Variants in ZNF215 observed in about 807,000 individuals in gnomAD.
ZNF215 encodes the protein BWSCR2-associated zinc finger protein 2.
ZNF215 carries 24 observed loss-of-function variants against 27.2 expected under a neutral mutation model. The ratio of observed to expected loss-of-function variants is 0.88; its 90% CI spans 0.64 to 1.24. The LOEUF (loss-of-function observed/expected upper bound fraction) is 1.24. ZNF215 is among the 50% of genes most tolerant of loss of function. ZNF215 has a pLI of 0.00. For synonymous variants in ZNF215, 210 were observed against 204.0 expected, an observed-to-expected ratio of 1.03 and a Z score of -0.25; for missense variants, 675 against 605.7, an observed-to-expected ratio of 1.11 and a Z score of -1.20.
At chr11:6,968,087 A>T (rs1850657742) in intron 5 of ZNF215, among the ~76,000 whole-genome samples, 1 of 152,178 alleles carries the variant, frequency 6.6e-6, no homozygotes. Flanking sequence ...CAAAGATCAG[A>T]TGGTTGTAGA....
Position 6,946,865 on chromosome 11 carries a change from G to A in ZNF215, c.712+3224G>A, listed in dbSNP as rs903988087. Among the ~76,000 whole-genome samples the A allele has an allele frequency of 3.3e-5, 5 of 152,082 alleles. No individual in the cohort carries two copies. In the South Asian group the frequency reaches 6.2e-4, roughly 19 times the overall value. ...ATATAGGAATAAGAGAAAAAAAGAC[G>A]GATGGATAGATATTAGATAAGAAAG... On this transcript the variant is annotated intron_variant, in intron 6 of 6. Coordinates refer to ENST00000278319, the MANE Select transcript of ZNF215 (RefSeq NM_013250.4).
At chr11:6,941,202 T>C (rs775741403) in intron 3 of ZNF215, among the ~76,000 whole-genome samples, 4 of 152,214 alleles carry the variant, frequency 2.6e-5, no homozygotes, top group Non-Finnish European at 5.9e-5. Flanking sequence ...GGATAAAATA[T>C]TATAAGCTCC....
intron 5 of ZNF215, among the ~76,000 whole-genome samples, chr11:6,980,259 A>G (rs1003657976): frequency 3.3e-5 from 5 of 152,068 alleles, no homozygotes; most frequent in Non-Finnish European, 7.4e-5. Context: ...TGCTACAAAA[A>G]TTATATAAAA....
intron 5 of ZNF215, among the ~76,000 whole-genome samples, chr11:6,977,071 T>C (rs527969697): frequency 4.9e-4 from 74 of 152,160 alleles, no homozygotes; most frequent in African/African-American, 1.7e-3. Flanking sequence ...GTGAAGTTGA[T>C]AGGGACTGAA....
Position 6,957,615 on chromosome 11 carries a change from C to A in ZNF215, c.*1084C>A. The A allele has an allele frequency of 2.9e-6, 1 of 343,286 alleles. No homozygotes were observed. The highest frequency in any genetic ancestry group is 4.1e-6 in the Non-Finnish European group (1 of 243,024). 21.3% of individuals were successfully genotyped at this position (343,286 alleles called of 1,614,324 possible). On this transcript the variant is annotated 3_prime_UTR_variant, in exon 7 of 7. Transcript: ENST00000278319. ...GAAGTTTGATGATGTTGTGACCAGA[C>A]ATTTGCCTTAGGAACTTAACTCTTG...
In ZNF215 at chr11:6,934,846, A is replaced by T. The variant is rs148032941; in HGVS notation, c.400+2174A>T. ...ATCTTTGTGGGCTGATATTCTGCCC[A>T]TCATGTGGGTTAAAAAAAATAGGTA... On this transcript the variant is annotated intron_variant, in intron 3 of 6. Transcript: ENST00000278319. Among the ~76,000 whole-genome samples, 36 of 152,294 alleles carry T rather than the reference A, an allele frequency of 2.4e-4. No homozygotes were observed. The East Asian group carries it at 6.7e-3, about 29-fold the overall frequency.
intron 6 of ZNF215, among the ~76,000 whole-genome samples, chr11:6,953,120 G>A (rs2133279102): frequency 6.6e-6 from 1 of 152,256 alleles, no homozygotes; most frequent in African/African-American, 2.4e-5. Context: ...AGTCTGATGG[G>A]CTTCCCTTTG....
At chr11:6,944,120 C>G (rs1419917533) in intron 6 of ZNF215, among the ~76,000 whole-genome samples, 9 of 152,020 alleles carry the variant, frequency 5.9e-5, no homozygotes, top group African/African-American at 1.4e-4. Flanking sequence ...CTAAAAAATA[C>G]AAAAAATTAG....
At chr11:6,964,623 A>C (rs531520671) in intron 5 of ZNF215, among the ~76,000 whole-genome samples, 1 of 150,284 alleles carries the variant, frequency 6.7e-6, no homozygotes, top group African/African-American at 2.4e-5. Context: ...TCAGTAGTAC[A>C]TTAGTCTCTT....
intron 6 of ZNF215, among the ~76,000 whole-genome samples, 200 bp from the exon 7 acceptor site, chr11:6,955,490 C>G (rs1396891450): frequency 6.6e-6 from 1 of 152,130 alleles, no homozygotes; most frequent in Non-Finnish European, 1.5e-5. Context: ...CAGAATAGCT[C>G]TCCTATTTTA....
chr11:6,983,470 A>G (rs112636289), intron 5 of ZNF215, among the ~76,000 whole-genome samples: 4,061 of 152,282 alleles, frequency 0.027, 136 homozygotes, highest in African/African-American at 0.074. Flanking sequence ...GAGAATTTTG[A>G]ACCAATATCC....
Position 6,953,406 on chromosome 11 carries a change from C to A in ZNF215, c.713-2284C>A, listed in dbSNP as rs534130694. 3.1e-3 allele frequency among the ~76,000 whole-genome samples: 471 copies of A among 152,290 alleles called. 2 individuals are homozygous for A. The highest frequency in any genetic ancestry group is 0.011 in the African/African-American group (457 of 41,552). On this transcript the variant is annotated intron_variant, in intron 6 of 6. Coordinates refer to ENST00000278319, the MANE Select transcript of ZNF215 (RefSeq NM_013250.4). ...GTAGATTTGGTCTCTTCACATAGTCCCATATTTCTTGGAGGCTTTGTTTGT... is the reference window on the plus strand; with the variant it reads ...GTAGATTTGGTCTCTTCACATAGTCACATATTTCTTGGAGGCTTTGTTTGT...
chr11:6,973,949 T>A (rs1326299551), intron 5 of ZNF215, among the ~76,000 whole-genome samples: 1 of 152,218 alleles, frequency 6.6e-6, no homozygotes, highest in African/African-American at 2.4e-5. Context: ...TTTTGGTGTT[T>A]TAGACATGAA....
chr11:6,956,679 T>C lies in ZNF215; in HGVS notation c.*148T>C, dbSNP rs1850373385. ...ATGATATCACAGAATTAATGTTGGA[T>C]AGAAATATCATTGGATAGAAATCTG... On this transcript the variant is annotated 3_prime_UTR_variant, in exon 7 of 7. Transcript: ENST00000278319. The C allele has an allele frequency of 7.2e-6, 10 of 1,393,846 alleles. No homozygotes were observed. The highest frequency in any genetic ancestry group is 9.2e-6 in the Non-Finnish European group (10 of 1,082,526). The allele number at this position is 1,393,846 out of a possible 1,614,324, so 86.3% of individuals were successfully genotyped here. A position where few individuals can be genotyped will look rare whatever the true frequency, so the allele number is the denominator to read the frequency against.
chr11:6,935,997 A>G (rs1033403267), intron 3 of ZNF215, among the ~76,000 whole-genome samples: 5 of 152,110 alleles, frequency 3.3e-5, no homozygotes, highest in African/African-American at 1.2e-4. Flanking sequence ...TGAGAAATGG[A>G]AACAAAAATA....
intron 6 of ZNF215, among the ~76,000 whole-genome samples, chr11:6,949,903 T>C (rs993841337): frequency 1.3e-5 from 2 of 152,280 alleles, no homozygotes; most frequent in Non-Finnish European, 1.5e-5. Context: ...TTGAATTAAT[T>C]TTTGTATAAG....
At chr11:6,979,329 G>GTAA (rs199962318) in intron 5 of ZNF215, among the ~76,000 whole-genome samples, 4 of 2,514 alleles carry the variant, frequency 1.6e-3, no homozygotes, top group East Asian at 0.062. Flanking sequence ...GAATAACACA[G>GTAA]TAATAATAAT....
rs545718697 is a variant in ZNF215 at position 6,975,219 on chromosome 11, C to G, written c.806-8910C>G. Among the ~76,000 whole-genome samples, 4 of 152,088 alleles carry G rather than the reference C, an allele frequency of 2.6e-5. No individual in the cohort carries two copies. In the East Asian group the frequency reaches 5.8e-4, roughly 22 times the overall value. The stretch of plus-strand genomic sequence containing the variant: ...GTTTATTGATTTGCATATGTTGAAC[C>G]AGCCTTGCTTCCCAGGGATGAAGCC... On this transcript the variant is annotated intron_variant, in intron 5 of 5. Transcript: ENST00000529903.
At chr11:6,966,576 T>G (rs183188915) in intron 5 of ZNF215, among the ~76,000 whole-genome samples, 6 of 152,192 alleles carry the variant, frequency 3.9e-5, no homozygotes, top group Non-Finnish European at 5.9e-5. Context: ...GTTCACAATA[T>G]TACCTTGTTT....
Sources: allele counts gnomAD v4.1 joint callset (sites outside exome capture counted in the v4.1 genomes callset), GRCh38; gene constraint gnomAD v4.1.1; transcripts MANE v1.5; gene names NCBI Gene and HGNC (gene_info 2026-07-23, HGNC 2026-07-21).